The following ATG7 variants were observed in gnomAD, a reference collection of about 807,000 sequenced individuals.
ATG7 encodes the protein autophagy related 7.
A neutral mutation model predicts 82.4 loss-of-function variants in ATG7; 70 were observed. The ratio of observed to expected loss-of-function variants is 0.85; its 90% CI spans 0.70 to 1.04. ATG7 has a LOEUF of 1.04. ATG7 is among the 50% of genes least tolerant of loss of function. ATG7 has a pLI of 0.00. For synonymous variants in ATG7, 287 were observed against 313.0 expected, an observed-to-expected ratio of 0.92 and a Z score of 0.88; for missense variants, 792 against 864.3, an observed-to-expected ratio of 0.92 and a Z score of 1.05.
chr3:11,388,695 T>G (rs1040506962), intron 19 of ATG7, among the ~76,000 whole-genome samples: 12 of 152,082 alleles, frequency 7.9e-5, no homozygotes, highest in African/African-American at 2.7e-4. Flanking sequence ...CCCAAAGTGC[T>G]GGGATTACAG....
intron 14 of ATG7, among the ~76,000 whole-genome samples, chr3:11,357,244 C>T (rs1471125742): frequency 6.6e-6 from 1 of 152,106 alleles, no homozygotes; most frequent in Non-Finnish European, 1.5e-5. Context: ...AGTCAGTGTC[C>T]CTGGCTTCAT....
intron 13 of ATG7, among the ~76,000 whole-genome samples, chr3:11,343,952 G>C (rs570636577): frequency 3.3e-5 from 5 of 152,114 alleles, no homozygotes; most frequent in Non-Finnish European, 7.4e-5. Flanking sequence ...GGAGCATGGT[G>C]TATCTCTTAA....
rs530844443 is a variant in ATG7, at chr3:11,471,473, CTTAGTAAAAACATT to C, written c.2079+44549_2079+44562del. On this transcript the variant is annotated intron_variant, in intron 20 of 20. Transcript: ENST00000693202. ...CATAACACCTGGCATGTAGTCAGCA[CTTAGTAAAAACATT>C]TAAAAAATTTTTACTGTCTCCATTT... Among the ~76,000 whole-genome samples, 116 of 152,316 alleles carry C rather than the reference CTTAGTAAAAACATT, an allele frequency of 7.6e-4. 1 individual carries two copies. The highest frequency in any genetic ancestry group is 3.9e-3 in the Admixed American group (60 of 15,300).
intron 19 of ATG7, among the ~76,000 whole-genome samples, chr3:11,411,504 C>G (rs2080888886): frequency 1.3e-5 from 2 of 151,264 alleles, no homozygotes; most frequent in African/African-American, 4.9e-5. Context: ...GCCTGAGTCT[C>G]AGCTACTCAG....
intron 20 of ATG7, among the ~76,000 whole-genome samples, chr3:11,551,719 T>C (rs59587667): frequency 0.015 from 2,274 of 148,832 alleles, 46 homozygotes; most frequent in African/African-American, 0.052. Flanking sequence ...CACGAGCCGC[T>C]GTGCCCAGCC....
In ATG7 at chr3:11,436,523, G is replaced by T. The variant is rs553180438; in HGVS notation, c.2079+9597G>T. Among the ~76,000 whole-genome samples the T allele has an allele frequency of 3.3e-4, 51 of 152,290 alleles. No homozygotes were observed. In the Middle Eastern group the frequency reaches 0.014, roughly 41 times the overall value. ...CCTATAGGGTAGCCCTGTTCCACAAGGAACAGTACCAAAAATTGTATATGT... is the reference window on the plus strand; with the variant it reads ...CCTATAGGGTAGCCCTGTTCCACAATGAACAGTACCAAAAATTGTATATGT... On this transcript the variant is annotated intron_variant, in intron 20 of 20. Transcript: ENST00000693202.
chr3:11,417,944 A>G (rs909868676), intron 19 of ATG7, among the ~76,000 whole-genome samples: 6 of 151,232 alleles, frequency 4.0e-5, no homozygotes, highest in Admixed American at 1.3e-4. Context: ...AGTAGCTGGG[A>G]CTACAGGCAC....
intron 19 of ATG7, among the ~76,000 whole-genome samples, chr3:11,419,471 T>C (rs1035892727): frequency 1.3e-5 from 2 of 152,152 alleles, no homozygotes; most frequent in Non-Finnish European, 2.9e-5. Flanking sequence ...GGAGAATTGC[T>C]TGAACCCAGG....
chr3:11,315,924 G>A (rs1319885526), intron 9 of ATG7, among the ~76,000 whole-genome samples: 1 of 152,054 alleles, frequency 6.6e-6, no homozygotes, highest in Non-Finnish European at 1.5e-5. Flanking sequence ...ACAGAGACGA[G>A]GTTTCACTAT....
chr3:11,430,533 TTG>T (rs2082777339), intron 20 of ATG7, among the ~76,000 whole-genome samples: 1 of 152,182 alleles, frequency 6.6e-6, no homozygotes, highest in South Asian at 2.1e-4. Context: ...TCAATCAACA[TTG>T]GAATTGCAAA....
rs749619175 is a variant in ATG7 at position 11,426,880 on chromosome 3, A to T, written c.2033A>T (p.Asp678Val). The change falls in exon 20 of 21, where the codon GAC (aspartate) becomes GTC (valine). Residue 678 changes from aspartate (D) to valine (V), a missense_variant. By Grantham distance (152) the Asp-to-Val change is radical (BLOSUM62 -3). Coordinates refer to ENST00000693202, the MANE Select transcript of ATG7 (RefSeq NM_001349232.2). The stretch of plus-strand genomic sequence containing the variant: ...AATTCTTCACATTCCTTCTTAGAAG[A>T]CTTGACTGGTCTTACATTGCTGCAT... ...VFNSSHSFLE[D>V]LTGLTLLHQE... 1 of 1,612,132 alleles carries T rather than the reference A, an allele frequency of 6.2e-7. No individual in the cohort carries two copies. Among genetic ancestry groups the T allele is most frequent in the South Asian group, 1.1e-5 (1 of 90,576 alleles).
intron 19 of ATG7, among the ~76,000 whole-genome samples, chr3:11,410,329 T>C (rs2080776425): frequency 6.6e-6 from 1 of 152,044 alleles, no homozygotes; most frequent in Admixed American, 6.5e-5. Flanking sequence ...AATGATATTG[T>C]ATTTTTTTTT....
rs5846700 is a variant in ATG7, at chr3:11,286,583, C to CT, written c.-11+4170dup. Among the ~76,000 whole-genome samples, 130 of 66,970 alleles carry CT rather than the reference C, an allele frequency of 1.9e-3. 7 individuals are homozygous for CT. The highest frequency in any genetic ancestry group is 6.5e-3 in the African/African-American group (95 of 14,626). 43.9% of individuals were successfully genotyped at this position (66,970 alleles called of 152,430 possible). A position where few individuals can be genotyped will look rare whatever the true frequency, so the allele number is the denominator to read the frequency against. On this transcript the variant is annotated intron_variant, in intron 3 of 20. Coordinates refer to ENST00000693202, the MANE Select transcript of ATG7 (RefSeq NM_001349232.2). ...TGTCTTTTCTTTTCTTTCTTTCTTT[C>CT]TTTTTTTTTTTTTTTTTTTTTTTTT...
chr3:11,564,902 G>A, the ATG7 span: 14 of 1,607,232 alleles, frequency 8.7e-6, no homozygotes, highest in East Asian at 9.0e-5. Context: ...CAAGGCTGGG[G>A]AGGGAGGTGT....
chr3:11,290,515 T>G (rs1331702030), intron 3 of ATG7: 1 of 358,842 alleles, frequency 2.8e-6, no homozygotes, highest in African/African-American at 2.2e-5. Flanking sequence ...TGGTAGTGGA[T>G]CTTGGCCTTC....
intron 3 of ATG7, among the ~76,000 whole-genome samples, chr3:11,285,002 A>G (rs1273088096): frequency 6.6e-6 from 1 of 150,454 alleles, no homozygotes; most frequent in Admixed American, 6.6e-5. Flanking sequence ...GCCCGCCACC[A>G]TGCCCAGCTA....
chr3:11,286,986 T>C (rs750434778), intron 3 of ATG7, among the ~76,000 whole-genome samples: 5 of 151,864 alleles, frequency 3.3e-5, no homozygotes, highest in African/African-American at 4.8e-5. Context: ...AGGCTGGTCA[T>C]GAACTCCTGC....
the ATG7 span, among the ~76,000 whole-genome samples, chr3:11,573,291 GAAAGAAAGAAAGAAAGGAAGGAAGGAAGA>G: frequency 3.7e-4 from 4 of 10,914 alleles, 1 homozygote; most frequent in African/African-American, 3.0e-3. Context: ...AAGAAAGAAA[GAAAGAAAGAAAGAAAGGAAGGAAGGAAGA>G]AAGAAAGAAA....
At chr3:11,538,677 TAAAAAAAAAAAAAAAAAA>T (rs560029572) in intron 20 of ATG7, among the ~76,000 whole-genome samples, 4 of 47,648 alleles carry the variant, frequency 8.4e-5, no homozygotes, top group African/African-American at 2.0e-4. Context: ...ACTCCGTCTC[TAAAAAAAAAAAAAAAAAA>T]AAAAAAAAAA....
Sources: gnomAD v4.1 joint callset for allele counts (sites outside exome capture counted in the v4.1 genomes callset) on GRCh38, gnomAD v4.1.1 for gene constraint, MANE v1.5 for transcripts, NCBI Gene and HGNC (gene_info 2026-07-23, HGNC 2026-07-21) for gene names.